The following RAB38 variants were observed in gnomAD, a reference collection of about 807,000 sequenced individuals.
RAB38 encodes the protein RAB38, member RAS oncogene family.
In RAB38, 15 loss-of-function variants were observed where a neutral mutation model predicts 18.4. The ratio of observed to expected loss-of-function variants is 0.82; its 90% CI spans 0.55 to 1.26. RAB38 has a LOEUF of 1.26. Among genes scored for constraint, RAB38 ranks in the 50% most tolerant of loss-of-function variants. RAB38 has a pLI of 0.00. For missense variants in RAB38, 294 were observed against 267.4 expected (o/e 1.10, Z -0.69); for synonymous variants, 101 against 104.4 (o/e 0.97, Z 0.20).
At chr11:87,805,950 T>C in the RAB38 span, among the ~76,000 whole-genome samples, 2 of 152,112 alleles carry the variant, frequency 1.3e-5, 1 homozygote, top group South Asian at 4.1e-4. Flanking sequence ...TTGGAGATAA[T>C]TTACTTCACT....
intron 2 of RAB38, among the ~76,000 whole-genome samples, chr11:88,148,107 G>A (rs1362701102): frequency 6.6e-6 from 1 of 152,090 alleles, no homozygotes; most frequent in Non-Finnish European, 1.5e-5. Flanking sequence ...AGAAACAGGG[G>A]AAATCAAAAT....
At chr11:87,900,717 AGGT>A in the RAB38 span, among the ~76,000 whole-genome samples, 1 of 147,664 alleles carries the variant, frequency 6.8e-6, no homozygotes, top group Non-Finnish European at 1.5e-5. Flanking sequence ...AAAGGAAGAG[AGGT>A]AGGGAAGAAG....
At chr11:87,853,979 TCTC>T in the RAB38 span, among the ~76,000 whole-genome samples, 2 of 152,138 alleles carry the variant, frequency 1.3e-5, no homozygotes, top group East Asian at 3.9e-4. Context: ...TTCATGTCCC[TCTC>T]CTCTATCTTC....
the RAB38 span, among the ~76,000 whole-genome samples, chr11:88,107,457 TATTG>T: frequency 6.6e-6 from 1 of 152,120 alleles, no homozygotes; most frequent in Non-Finnish European, 1.5e-5. Flanking sequence ...TATCTACATG[TATTG>T]ATTACTTGTT....
chr11:87,906,150 A>C, the RAB38 span, among the ~76,000 whole-genome samples: 5 of 152,078 alleles, frequency 3.3e-5, no homozygotes, highest in African/African-American at 1.2e-4. Context: ...TTATAACAGA[A>C]TGGCTAGATT....
At chr11:88,045,305 G>A in the RAB38 span, among the ~76,000 whole-genome samples, 4 of 152,312 alleles carry the variant, frequency 2.6e-5, no homozygotes, top group South Asian at 4.1e-4. Flanking sequence ...TACAATGTTA[G>A]GGTAGAGGCA....
chr11:87,831,155 C>T, the RAB38 span, among the ~76,000 whole-genome samples: 21 of 152,082 alleles, frequency 1.4e-4, no homozygotes, highest in Admixed American at 1.4e-3. Context: ...GGTCAAATTG[C>T]TGATAAATGA....
At chr11:88,132,710 T>C (rs1429391724) in intron 2 of RAB38, among the ~76,000 whole-genome samples, 2 of 152,096 alleles carry the variant, frequency 1.3e-5, no homozygotes, top group Admixed American at 1.3e-4. Context: ...CCACCTGCCT[T>C]GGCCTCCCAA....
chr11:87,977,649 T>C, the RAB38 span, among the ~76,000 whole-genome samples: 5 of 118,180 alleles, frequency 4.2e-5, no homozygotes, highest in Non-Finnish European at 8.1e-5. Flanking sequence ...TTATATAAAT[T>C]ATACAGTATA....
At chr11:87,815,723 C>T in the RAB38 span, 1 of 152,160 alleles carries the variant, frequency 6.6e-6, no homozygotes. Flanking sequence ...TTTGTAATTA[C>T]TGTAGCACCT....
At chr11:87,957,960 C>A in the RAB38 span, among the ~76,000 whole-genome samples, 1 of 152,150 alleles carries the variant, frequency 6.6e-6, no homozygotes, top group Non-Finnish European at 1.5e-5. Context: ...CCAAATATCA[C>A]TTTCCAAATA....
chr11:88,162,988 G>C (rs1427188343), intron 1 of RAB38, among the ~76,000 whole-genome samples: 1 of 152,030 alleles, frequency 6.6e-6, no homozygotes, highest in Admixed American at 6.6e-5. Flanking sequence ...CACCTTCTTG[G>C]AGACTTTTAT....
At chr11:87,950,924 T>C in the RAB38 span, among the ~76,000 whole-genome samples, 1 of 152,162 alleles carries the variant, frequency 6.6e-6, no homozygotes, top group Non-Finnish European at 1.5e-5. Context: ...TGAATCTGAA[T>C]GTTGGCCTGC....
At chr11:88,133,947 G>A (rs889145740) in intron 2 of RAB38, among the ~76,000 whole-genome samples, 1 of 152,154 alleles carries the variant, frequency 6.6e-6, no homozygotes, top group African/African-American at 2.4e-5. Context: ...ATGTGGGAAT[G>A]CCAAGAGATT....
At chr11:87,842,044 A>G in the RAB38 span, among the ~76,000 whole-genome samples, 4 of 152,186 alleles carry the variant, frequency 2.6e-5, no homozygotes, top group South Asian at 2.1e-4. Flanking sequence ...AGGGTGTAAG[A>G]TTCCGAGACT....
At chr11:88,019,534 A>C in the RAB38 span, among the ~76,000 whole-genome samples, 1 of 152,130 alleles carries the variant, frequency 6.6e-6, no homozygotes, top group Non-Finnish European at 1.5e-5. Context: ...TTAAAATGTA[A>C]ATCATATAAT....
chr11:88,093,822 C>T, the RAB38 span, among the ~76,000 whole-genome samples: 2 of 151,916 alleles, frequency 1.3e-5, no homozygotes, highest in Non-Finnish European at 2.9e-5. Context: ...GCCACACTTG[C>T]CAATTAACTC....
At chr11:88,091,758 G>A in the RAB38 span, among the ~76,000 whole-genome samples, 1 of 152,022 alleles carries the variant, frequency 6.6e-6, no homozygotes, top group South Asian at 2.1e-4. Context: ...CTTTAGCTGG[G>A]AAAAATTTCA....
the RAB38 span, among the ~76,000 whole-genome samples, chr11:87,953,732 C>T: frequency 6.6e-6 from 1 of 151,938 alleles, no homozygotes; most frequent in African/African-American, 2.4e-5. Context: ...CAACATATTA[C>T]CTGAAGATAA....
Sources: allele counts gnomAD v4.1 joint callset (sites outside exome capture counted in the v4.1 genomes callset), GRCh38; gene constraint gnomAD v4.1.1; transcripts MANE v1.5; gene names NCBI Gene and HGNC (gene_info 2026-07-23, HGNC 2026-07-21).